Variants in ABTB3 observed in about 807,000 individuals in gnomAD.
The protein encoded by ABTB3 is ankyrin repeat- and BTB/POZ domain-containing protein 3.
chr12:107,657,686 C>G, the ABTB3 span: 3 of 1,614,212 alleles, frequency 1.9e-6, no homozygotes, highest in Non-Finnish European at 2.5e-6. Flanking sequence ...TCAGTCCATC[C>G]ACTTGTCGTC....
chr12:107,643,920 C>A, the ABTB3 span, among the ~76,000 whole-genome samples: 1 of 152,014 alleles, frequency 6.6e-6, no homozygotes, highest in Admixed American at 6.6e-5. Context: ...TATTTCATCA[C>A]ACCCAGCTAA....
chr12:107,633,655 G>C, the ABTB3 span, among the ~76,000 whole-genome samples: 3 of 152,184 alleles, frequency 2.0e-5, no homozygotes, highest in Non-Finnish European at 4.4e-5. Flanking sequence ...GGATCCCAGA[G>C]GATGCTACTG....
At chr12:107,428,707 C>T in the ABTB3 span, among the ~76,000 whole-genome samples, 38 of 152,238 alleles carry the variant, frequency 2.5e-4, no homozygotes, top group African/African-American at 9.2e-4. Context: ...CAAATCCCTG[C>T]CCCAGGGTTT....
the ABTB3 span, among the ~76,000 whole-genome samples, chr12:107,376,150 C>T: frequency 6.6e-6 from 1 of 152,154 alleles, no homozygotes; most frequent in Non-Finnish European, 1.5e-5. Flanking sequence ...AGATGCCCTC[C>T]TCTCCCTCCC....
the ABTB3 span, among the ~76,000 whole-genome samples, chr12:107,641,595 T>C: frequency 6.6e-6 from 1 of 152,166 alleles, no homozygotes; most frequent in Non-Finnish European, 1.5e-5. Flanking sequence ...GGGAGATGAT[T>C]AGGTAGTCAA....
chr12:107,620,047 C>T, the ABTB3 span: 3 of 1,614,184 alleles, frequency 1.9e-6, no homozygotes, highest in South Asian at 3.3e-5. Flanking sequence ...AGCAGCACCG[C>T]AGGCCTCTCA....
At chr12:107,529,037 TGATGATGATGGA>T in the ABTB3 span, among the ~76,000 whole-genome samples, 1 of 150,262 alleles carries the variant, frequency 6.7e-6, no homozygotes, top group African/African-American at 2.4e-5. Context: ...GTGATGGTGA[TGATGATGATGGA>T]GATGATGATG....
the ABTB3 span, among the ~76,000 whole-genome samples, chr12:107,654,447 C>T: frequency 2.0e-5 from 3 of 152,084 alleles, no homozygotes; most frequent in Non-Finnish European, 2.9e-5. Context: ...CACAGGCATG[C>T]GCCACCATGC....
chr12:107,657,757 G>A, the ABTB3 span: 2 of 1,601,146 alleles, frequency 1.2e-6, no homozygotes, highest in Non-Finnish European at 8.6e-7. Context: ...GAACTTTCCA[G>A]TTCTCCTGCC....
chr12:107,415,588 G>C, the ABTB3 span, among the ~76,000 whole-genome samples: 21 of 151,838 alleles, frequency 1.4e-4, no homozygotes, highest in African/African-American at 5.1e-4. Flanking sequence ...GGTGCCTGTA[G>C]TCCCAGCTAC....
the ABTB3 span, among the ~76,000 whole-genome samples, chr12:107,532,348 C>T: frequency 6.6e-6 from 1 of 152,224 alleles, no homozygotes; most frequent in African/African-American, 2.4e-5. Context: ...CATCCAGCAT[C>T]CTTGTCCCCA....
chr12:107,494,578 C>T, the ABTB3 span, among the ~76,000 whole-genome samples: 1 of 152,164 alleles, frequency 6.6e-6, no homozygotes, highest in Non-Finnish European at 1.5e-5. Flanking sequence ...GTGCCAGGAG[C>T]CAAAAGGTCA....
chr12:107,473,805 CTTTTTTT>C, the ABTB3 span, among the ~76,000 whole-genome samples: 1 of 142,310 alleles, frequency 7.0e-6, no homozygotes, highest in South Asian at 2.3e-4. Context: ...TTTTCTTTTT[CTTTTTTT>C]TTTTTTTGAG....
chr12:107,442,138 G>A, the ABTB3 span, among the ~76,000 whole-genome samples: 4 of 152,172 alleles, frequency 2.6e-5, no homozygotes, highest in Admixed American at 1.3e-4. Flanking sequence ...TCAGGGCAGC[G>A]ACGAGTCTCT....
At chr12:107,343,206 G>C in the ABTB3 span, among the ~76,000 whole-genome samples, 1 of 151,822 alleles carries the variant, frequency 6.6e-6, no homozygotes, top group Non-Finnish European at 1.5e-5. Flanking sequence ...ATAGAAATAG[G>C]GTCTCCCTAT....
At chr12:107,388,778 T>C in the ABTB3 span, among the ~76,000 whole-genome samples, 6 of 152,182 alleles carry the variant, frequency 3.9e-5, no homozygotes, top group South Asian at 2.1e-4. Flanking sequence ...TGCTAATAGA[T>C]GTAAAGGGTT....
At chr12:107,375,459 ATC>A in the ABTB3 span, among the ~76,000 whole-genome samples, 1 of 151,816 alleles carries the variant, frequency 6.6e-6, no homozygotes, top group Admixed American at 6.6e-5. Context: ...CATCATCATC[ATC>A]ATCATAAATA....
the ABTB3 span, among the ~76,000 whole-genome samples, chr12:107,577,669 T>C: frequency 0.15 from 22,665 of 152,040 alleles, 1,815 homozygotes; most frequent in East Asian, 0.29. Flanking sequence ...ACAGTGAAGA[T>C]GTAGATGGCC....
chr12:107,360,639 A>T, the ABTB3 span, among the ~76,000 whole-genome samples: 1 of 152,192 alleles, frequency 6.6e-6, no homozygotes, highest in Non-Finnish European at 1.5e-5. Flanking sequence ...GGGAAGATGC[A>T]CAGTCCTATT....
Sources: gnomAD v4.1 joint callset for allele counts (sites outside exome capture counted in the v4.1 genomes callset) on GRCh38, gnomAD v4.1.1 for gene constraint, MANE v1.5 for transcripts, NCBI Gene and HGNC (gene_info 2026-07-23, HGNC 2026-07-21) for gene names.